The following CAMKMT variants were observed in gnomAD, a reference collection of about 807,000 sequenced individuals.
CAMKMT encodes the protein CaM KMT.
Under a neutral mutation model 48.0 loss-of-function variants are expected in CAMKMT, and 53 were observed. The ratio of observed to expected loss-of-function variants is 1.10; its 90% CI spans 0.89 to 1.39. The LOEUF (loss-of-function observed/expected upper bound fraction) is 1.39. Ranked by LOEUF, CAMKMT falls within the 40% of genes most tolerant of loss-of-function variation. The pLI is 0.00. For missense variants in CAMKMT, 428 were observed against 402.7 expected (o/e 1.06, Z -0.54); for synonymous variants, 165 against 152.3 (o/e 1.08, Z -0.61).
rs79926558 is a variant in CAMKMT, at chr2:44,405,889, A to G, written c.376+15584A>G. ...CAGAAATTGCTGGGTAATAATTAGA[A>G]AGGAGACTTTGGCCTTTTATATATT... is the stretch of plus-strand genomic sequence containing the variant. On this transcript the variant is annotated intron_variant, in intron 3 of 10. Transcript: ENST00000378494. Among the ~76,000 whole-genome samples the G allele has an allele frequency of 3.5e-3, 531 of 152,312 alleles. 4 individuals carry two copies. The highest frequency in any genetic ancestry group is 6.8e-3 in the Middle Eastern group (2 of 294).
chr2:44,390,225 C>A lies in CAMKMT; in HGVS notation c.312-16C>A, dbSNP rs569482736. On this transcript the variant is annotated splice_polypyrimidine_tract_variant and intron_variant, in intron 2 of 10. Transcript: ENST00000378494. ...CATTTCAGAATCATTAAAGCAAACG[C>A]TTTACTCCTTTCTAGGCATAATAGT... 5.0e-6 allele frequency: 8 copies of A among 1,596,384 alleles called. 1 individual carries two copies. The South Asian group carries it at 9.1e-5, about 18-fold the overall frequency.
intron 1 of CAMKMT, among the ~76,000 whole-genome samples, chr2:44,370,535 C>T (rs1458645158): frequency 6.6e-6 from 1 of 152,036 alleles, no homozygotes; most frequent in African/African-American, 2.4e-5. Flanking sequence ...GATAGTTCTT[C>T]CTTTTTTCTT....
intron 3 of CAMKMT, among the ~76,000 whole-genome samples, chr2:44,564,584 A>T (rs147925714): frequency 6.6e-6 from 1 of 151,544 alleles, no homozygotes; most frequent in African/African-American, 2.4e-5. Flanking sequence ...TGCTCTTGTC[A>T]CCCAGGAAGC....
chr2:44,453,624 A>T (rs897951827), intron 3 of CAMKMT, among the ~76,000 whole-genome samples: 10 of 152,090 alleles, frequency 6.6e-5, no homozygotes, highest in Non-Finnish European at 8.8e-5. Flanking sequence ...AGTTTGGTTT[A>T]AGCAAATTTG....
rs986319026 is a variant in CAMKMT, at chr2:44,372,859, C to T, written c.282C>T (p.Ile94=). 1.2e-6 allele frequency: 2 copies of T among 1,613,820 alleles called. No homozygotes were observed. The highest frequency in any genetic ancestry group is 2.2e-5 in the East Asian group (1 of 44,832). Residue 94 remains isoleucine (I), a synonymous_variant, in exon 2 of 11, where the codon ATC becomes ATT. Coordinates refer to ENST00000378494, the MANE Select transcript of CAMKMT (RefSeq NM_024766.5). The part of the protein sequence containing the change: ...EVGAWVQYTS[I]FCPEYSISLR... ...GTGCATGGGTCCAATATACAAGCAT[C>T]TTCTGTCCTGAATACAGTATCTCCT...
At chr2:44,426,137 A>G (rs1231467494) in intron 3 of CAMKMT, among the ~76,000 whole-genome samples, 2 of 152,242 alleles carry the variant, frequency 1.3e-5, no homozygotes, top group African/African-American at 4.8e-5. Flanking sequence ...AATAATTAGA[A>G]ATTATGCTAT....
chr2:44,587,143 A>G (rs1301497200), intron 3 of CAMKMT, among the ~76,000 whole-genome samples: 1 of 152,030 alleles, frequency 6.6e-6, no homozygotes, highest in Non-Finnish European at 1.5e-5. Context: ...TTTTCTTGTT[A>G]TTGAATTTTG....
At chr2:44,685,925 T>A (rs1676309083) in intron 3 of CAMKMT, among the ~76,000 whole-genome samples, 1 of 152,154 alleles carries the variant, frequency 6.6e-6, no homozygotes, top group Non-Finnish European at 1.5e-5. Flanking sequence ...ATATTTTGTG[T>A]CCTCTTTTAA....
chr2:44,400,347 T>C (rs942321985), intron 3 of CAMKMT, among the ~76,000 whole-genome samples: 5 of 152,140 alleles, frequency 3.3e-5, no homozygotes, highest in Non-Finnish European at 7.4e-5. Context: ...TCAGTTTCTT[T>C]TAGAGAAAAA....
At chr2:44,600,488 C>T (rs891865722) in intron 3 of CAMKMT, among the ~76,000 whole-genome samples, 1 of 152,006 alleles carries the variant, frequency 6.6e-6, no homozygotes, top group Non-Finnish European at 1.5e-5. Flanking sequence ...AGGCTGGTTT[C>T]AAACTCCTGG....
At chr2:44,532,723 T>C (rs561187653) in intron 3 of CAMKMT, among the ~76,000 whole-genome samples, 1 of 152,108 alleles carries the variant, frequency 6.6e-6, no homozygotes, top group African/African-American at 2.4e-5. Context: ...AGGCACAAAA[T>C]GGAAATAATG....
chr2:44,459,833 C>T lies in CAMKMT; in HGVS notation c.376+69528C>T, dbSNP rs1289457916. ...TTGCTGGAGCTTTAACTGGGGCAGA[C>T]AGCCATACAAATGACTTGAGATAAA... On this transcript the variant is annotated intron_variant, in intron 3 of 10. Transcript: ENST00000378494. 3.3e-5 allele frequency among the ~76,000 whole-genome samples: 5 copies of T among 152,306 alleles called. 1 individual carries two copies. Among genetic ancestry groups the T allele is most frequent in the Admixed American group, 2.0e-4 (3 of 15,294 alleles).
At chr2:44,524,487 C>T (rs1671297258) in intron 3 of CAMKMT, among the ~76,000 whole-genome samples, 1 of 151,952 alleles carries the variant, frequency 6.6e-6, no homozygotes, top group African/African-American at 2.4e-5. Flanking sequence ...TTCTTCTCTT[C>T]TTCCTCTTTC....
At chr2:44,706,641 C>A (rs1368628714) in intron 5 of CAMKMT, among the ~76,000 whole-genome samples, 1 of 148,634 alleles carries the variant, frequency 6.7e-6, no homozygotes, top group East Asian at 2.0e-4. Context: ...AGATTATAGT[C>A]CCATTTGCTA....
intron 2 of CAMKMT, among the ~76,000 whole-genome samples, chr2:44,377,621 G>T (rs930908557): frequency 6.6e-6 from 1 of 152,112 alleles, no homozygotes; most frequent in East Asian, 1.9e-4. Context: ...GTGTATACGT[G>T]TCTTAGGTAT....
chr2:44,419,481 C>G (rs942508716), intron 3 of CAMKMT, among the ~76,000 whole-genome samples: 1 of 152,178 alleles, frequency 6.6e-6, no homozygotes, highest in Non-Finnish European at 1.5e-5. Context: ...CAGCAGTGAG[C>G]CAAAGGATGT....
chr2:44,419,819 T>C (rs1336619432), intron 3 of CAMKMT, among the ~76,000 whole-genome samples: 1 of 152,150 alleles, frequency 6.6e-6, no homozygotes, highest in African/African-American at 2.4e-5. Context: ...ATCACACCTG[T>C]GAATAGCCAC....
chr2:44,604,387 A>G (rs1671164413), intron 3 of CAMKMT, among the ~76,000 whole-genome samples: 1 of 152,198 alleles, frequency 6.6e-6, no homozygotes, highest in African/African-American at 2.4e-5. Flanking sequence ...ATCCTTTATC[A>G]TACAAGGTGT....
In CAMKMT at chr2:44,392,250, C is replaced by T. The variant is rs1315388263; in HGVS notation, c.376+1945C>T. Among the ~76,000 whole-genome samples, 3 of 152,024 alleles carry T rather than the reference C, an allele frequency of 2.0e-5. No homozygotes were observed. In the East Asian group the frequency reaches 5.8e-4, roughly 29 times the overall value. Reference sequence around the variant, plus strand: ...TCATTATAAATGTTGCCTTAAAAACCTGGATATATTGCTGAGTGATAGAAG... The same window carrying T: ...TCATTATAAATGTTGCCTTAAAAACTTGGATATATTGCTGAGTGATAGAAG... On this transcript the variant is annotated intron_variant, in intron 3 of 10. Coordinates refer to ENST00000378494, the MANE Select transcript of CAMKMT (RefSeq NM_024766.5).
Sources: gnomAD v4.1 joint callset for allele counts (sites outside exome capture counted in the v4.1 genomes callset) on GRCh38, gnomAD v4.1.1 for gene constraint, MANE v1.5 for transcripts, NCBI Gene and HGNC (gene_info 2026-07-23, HGNC 2026-07-21) for gene names.